Variants in ITGA8 observed in about 807,000 individuals in gnomAD.
ITGA8 encodes integrin alpha-8.
Under a neutral mutation model 142.3 loss-of-function variants are expected in ITGA8, and 91 were observed. The observed-to-expected ratio is 0.64, with a 90% CI of 0.54 to 0.76. The LOEUF (loss-of-function observed/expected upper bound fraction) is 0.76. Ranked by LOEUF, ITGA8 falls within the 30% of genes least tolerant of loss-of-function variation. ITGA8 has a pLI of 0.00. For synonymous variants in ITGA8, 505 were observed against 485.2 expected (o/e 1.04, Z -0.54); for missense variants, 1,406 against 1,327.7 (o/e 1.06, Z -0.92).
intron 2 of ITGA8, among the ~76,000 whole-genome samples, chr10:15,713,334 G>A (rs895199950): frequency 3.9e-5 from 6 of 152,152 alleles, no homozygotes; most frequent in African/African-American, 1.4e-4. Context: ...GTGCTTGTGT[G>A]CACACACTGC....
chr10:15,608,185 T>A, intron 16 of ITGA8, 50 bp downstream of exon 16: 1 of 1,298,874 alleles, frequency 7.7e-7, no homozygotes, highest in Non-Finnish European at 1.1e-6. Flanking sequence ...ATGGTTACTG[T>A]TCAACTTTCT....
chr10:15,566,701 C>G (rs567864503), intron 25 of ITGA8, among the ~76,000 whole-genome samples: 13 of 151,876 alleles, frequency 8.6e-5, no homozygotes, highest in Non-Finnish European at 1.6e-4. Context: ...GTCCCAGCTA[C>G]TTGGGAGACT....
intron 4 of ITGA8, 25 bp from the exon 5 acceptor site, chr10:15,678,808 G>A (rs749815638): frequency 5.6e-6 from 8 of 1,435,280 alleles, no homozygotes; most frequent in East Asian, 2.3e-5. Context: ...ATACATAAAT[G>A]TTATAACGTT....
At chr10:15,641,655 AG>A (rs1256874353) in intron 13 of ITGA8, among the ~76,000 whole-genome samples, 1 of 152,130 alleles carries the variant, frequency 6.6e-6, no homozygotes, top group African/African-American at 2.4e-5. Context: ...AAGACTCTTG[AG>A]GGATAAATTC....
At chr10:15,621,269 C>T (rs1195674368) in intron 13 of ITGA8, among the ~76,000 whole-genome samples, 3 of 151,640 alleles carry the variant, frequency 2.0e-5, no homozygotes, top group South Asian at 2.1e-4. Context: ...TTGCTATTGC[C>T]TCACGTTGCC....
chr10:15,688,302 C>CAAAAAAAAAAAAA (rs35060475), intron 2 of ITGA8, among the ~76,000 whole-genome samples: 3 of 112,786 alleles, frequency 2.7e-5, no homozygotes, highest in African/African-American at 3.5e-5. Flanking sequence ...CAAAAAATAC[C>CAAAAAAAAAAAAA]AAAAAAAAAA....
At chr10:15,657,528 T>C (rs1834208929) in intron 10 of ITGA8, among the ~76,000 whole-genome samples, 1 of 148,398 alleles carries the variant, frequency 6.7e-6, no homozygotes, top group Admixed American at 6.7e-5. Context: ...TTTTTTTTTT[T>C]TTTAACAGAG....
chr10:15,556,016 C>CTT (rs1391282940), intron 26 of ITGA8, among the ~76,000 whole-genome samples: 6 of 94,498 alleles, frequency 6.3e-5, no homozygotes, highest in African/African-American at 2.0e-4. Flanking sequence ...GTCTCTCTCT[C>CTT]TCTTTTTTTT....
chr10:15,568,531 T>C (rs1276845854), intron 25 of ITGA8, among the ~76,000 whole-genome samples: 3 of 152,236 alleles, frequency 2.0e-5, no homozygotes, highest in African/African-American at 4.8e-5. Flanking sequence ...TTGGGTCTTA[T>C]CAGATGCTGA....
chr10:15,534,969 G>A (rs1037157042), intron 27 of ITGA8, among the ~76,000 whole-genome samples: 1 of 152,208 alleles, frequency 6.6e-6, no homozygotes, highest in Non-Finnish European at 1.5e-5. Flanking sequence ...AGGTGTGGAG[G>A]GAGAGGCACG....
chr10:15,534,629 T>G (rs1296308947), intron 27 of ITGA8, among the ~76,000 whole-genome samples: 1 of 152,090 alleles, frequency 6.6e-6, no homozygotes, highest in Non-Finnish European at 1.5e-5. Context: ...CTTTCCTTTC[T>G]CCCTTTAATT....
intron 13 of ITGA8, among the ~76,000 whole-genome samples, chr10:15,624,705 C>T (rs1201893073): frequency 6.6e-6 from 1 of 152,218 alleles, no homozygotes; most frequent in Non-Finnish European, 1.5e-5. Context: ...CCTCTTCCCA[C>T]AGCACCCAAA....
At chr10:15,612,199 C>T (rs894849140) in intron 15 of ITGA8, among the ~76,000 whole-genome samples, 2 of 152,152 alleles carry the variant, frequency 1.3e-5, no homozygotes, top group African/African-American at 4.8e-5. Context: ...TGCTCTCCCG[C>T]CACACTCCCC....
At chr10:15,536,889 C>T (rs1193167682) in intron 27 of ITGA8, among the ~76,000 whole-genome samples, 1 of 152,160 alleles carries the variant, frequency 6.6e-6, no homozygotes, top group African/African-American at 2.4e-5. Context: ...CTCTCCCACT[C>T]CCAACTTCCA....
intron 11 of ITGA8, 55 bp downstream of exon 11, chr10:15,655,299 A>G: frequency 1.7e-6 from 2 of 1,150,664 alleles, no homozygotes; most frequent in Admixed American, 4.1e-5. Context: ...GAAAAACATA[A>G]CATCTTTATG....
intron 11 of ITGA8, among the ~76,000 whole-genome samples, chr10:15,654,151 A>G (rs1834140915): frequency 6.6e-6 from 1 of 152,132 alleles, no homozygotes; most frequent in Non-Finnish European, 1.5e-5. Flanking sequence ...GTGTGTTTTC[A>G]TGGCCTGATA....
At chr10:15,547,725 A>C (rs1833703887) in intron 27 of ITGA8, among the ~76,000 whole-genome samples, 1 of 152,216 alleles carries the variant, frequency 6.6e-6, no homozygotes, top group Non-Finnish European at 1.5e-5. Context: ...GTTGGAGCCC[A>C]TGCTGCAGGA....
In ITGA8 at chr10:15,682,946, A is replaced by AG. The variant is rs1554787083; in HGVS notation, c.568+1057_568+1058insC. 2.0e-5 allele frequency among the ~76,000 whole-genome samples: 3 copies of AG among 151,432 alleles called. No individual in the cohort carries two copies. In the East Asian group the frequency reaches 5.8e-4, roughly 29 times the overall value. On this transcript the variant is annotated intron_variant, in intron 4 of 29. Transcript: ENST00000378076. ...GTTAACCCTCTAATATCACTAATCG[A>AG]TTTTTTCTCTTCATTTATTTATGGC...
At chr10:15,549,832 C>T (rs970677701) in intron 26 of ITGA8, among the ~76,000 whole-genome samples, 2 of 152,288 alleles carry the variant, frequency 1.3e-5, no homozygotes, top group Admixed American at 6.5e-5. Flanking sequence ...TTTTCAAGAT[C>T]CTCAGAATTC....
Sources: allele counts gnomAD v4.1 joint callset (sites outside exome capture counted in the v4.1 genomes callset), GRCh38; gene constraint gnomAD v4.1.1; transcripts MANE v1.5; gene names NCBI Gene and HGNC (gene_info 2026-07-23, HGNC 2026-07-21).